MAPK14: variants seen among roughly 807,000 people sequenced by gnomAD.
MAPK14 encodes the protein mitogen-activated protein kinase 14.
MAPK14 carries 16 observed loss-of-function variants against 49.6 expected under a neutral mutation model. The observed-to-expected ratio is 0.32, with a 90% CI of 0.22 to 0.49. The LOEUF (loss-of-function observed/expected upper bound fraction) is 0.49, where lower values mean the gene tolerates loss of function less well. Ranked by LOEUF, MAPK14 falls within the 20% of genes least tolerant of loss-of-function variation. MAPK14 has a pLI of 0.99. For missense variants in MAPK14, 200 were observed against 441.2 expected, an observed-to-expected ratio of 0.45 and a Z score of 4.90; for synonymous variants, 142 against 158.0, an observed-to-expected ratio of 0.90 and a Z score of 0.76.
In MAPK14 at chr6:36,107,302, A is replaced by T. The variant is rs1357000634; in HGVS notation, c.842-153A>T. Among the ~76,000 whole-genome samples the T allele has an allele frequency of 6.6e-6, 1 of 152,152 alleles. No homozygotes were observed. The highest frequency in any genetic ancestry group is 2.4e-5 in the African/African-American group (1 of 41,434). ...CACACACACACACACATACACACAT[A>T]AAGGAGAAGAGGGCTAATATATCCT... On this transcript the variant is annotated intron_variant, in intron 10 of 11. Coordinates refer to ENST00000229794, the MANE Select transcript of MAPK14 (RefSeq NM_139012.3). This position sits in a 1 kb window ranked among gnomAD's most constrained non-coding sequence, Gnocchi z 4.3.
intron 8 of MAPK14, among the ~76,000 whole-genome samples, chr6:36,094,276 T>C (rs919603104): frequency 6.6e-6 from 1 of 152,100 alleles, no homozygotes; most frequent in African/African-American, 2.4e-5. Context: ...AGAACACAAG[T>C]TGTTTGGGTT....
At chr6:36,077,042 A>G (rs1764558627) in intron 8 of MAPK14, among the ~76,000 whole-genome samples, 1 of 152,214 alleles carries the variant, frequency 6.6e-6, no homozygotes, top group South Asian at 2.1e-4. Context: ...TGGTACCTGC[A>G]GTGATATACT....
At chr6:36,076,173 GTT>G (rs768922411) in intron 7 of MAPK14, among the ~76,000 whole-genome samples, 1 of 151,868 alleles carries the variant, frequency 6.6e-6, no homozygotes, top group Non-Finnish European at 1.5e-5. Context: ...TAGCAATTGG[GTT>G]TTTATTTATT....
chr6:36,045,528 G>A (rs1763137368), intron 1 of MAPK14, among the ~76,000 whole-genome samples: 1 of 152,156 alleles, frequency 6.6e-6, no homozygotes, highest in Admixed American at 6.5e-5. Flanking sequence ...AGGACCTCTG[G>A]CCGGGTGTGG....
At chr6:36,079,320 A>G (rs1764652764) in intron 8 of MAPK14, among the ~76,000 whole-genome samples, 1 of 152,120 alleles carries the variant, frequency 6.6e-6, no homozygotes, top group Non-Finnish European at 1.5e-5. Context: ...TGGAGAATGT[A>G]TTGGCCTCAT....
chr6:36,059,684 G>T (rs1314381162), intron 3 of MAPK14, among the ~76,000 whole-genome samples: 4 of 152,092 alleles, frequency 2.6e-5, no homozygotes, highest in Middle Eastern at 3.4e-3. Context: ...TGTTGTTGTT[G>T]TTGTTTTTGT....
At chr6:36,114,361 A>T (rs1351602286), downstream of MAPK14, among the ~76,000 whole-genome samples, 1 of 152,250 alleles carries the variant, frequency 6.6e-6, no homozygotes, top group Non-Finnish European at 1.5e-5. Flanking sequence ...TCATGCCTGT[A>T]ATCCCAGCAC....
At chr6:36,062,115 T>G (rs936760450) in intron 3 of MAPK14, among the ~76,000 whole-genome samples, 2 of 152,102 alleles carry the variant, frequency 1.3e-5, no homozygotes, top group African/African-American at 4.8e-5. Flanking sequence ...TAGCTGGGAC[T>G]GCAGGAATGG....
At position 36,107,402 on chromosome 6, in the gene MAPK14, CT is replaced by C. The variant is rs1237129544; in HGVS notation, c.842-47del. 1.5e-6 allele frequency: 2 copies of C among 1,360,252 alleles called. No homozygotes were observed. Among genetic ancestry groups the C allele is most frequent in the Non-Finnish European group, 2.0e-6 (2 of 1,010,186 alleles). The allele number at this position is 1,360,252 out of a possible 1,614,324, so 84.3% of individuals were successfully genotyped here. A position where few individuals can be genotyped will look rare whatever the true frequency, so the allele number is the denominator to read the frequency against. On this transcript the variant is annotated intron_variant, in intron 10 of 11. Coordinates refer to ENST00000229794, the MANE Select transcript of MAPK14 (RefSeq NM_139012.3). The surrounding 1 kb of genome is among the most constrained non-coding windows in gnomAD (Gnocchi z 4.3). ...AACTATGTTTGCTCAATAAGGCATA[CT>C]TTTTTGTAACATGTTAAAAACTCTT...
At chr6:36,054,615 T>C (rs568910594) in intron 2 of MAPK14, among the ~76,000 whole-genome samples, 2 of 152,318 alleles carry the variant, frequency 1.3e-5, no homozygotes, top group Admixed American at 6.5e-5. Context: ...CTCTATTCCA[T>C]TGGCAAATGT....
intron 1 of MAPK14, among the ~76,000 whole-genome samples, chr6:36,050,425 G>A (rs764263609): frequency 2.6e-5 from 4 of 152,238 alleles, no homozygotes; most frequent in South Asian, 2.1e-4. Flanking sequence ...AATTTTGTAG[G>A]TGGGGCAGTT....
intron 1 of MAPK14, among the ~76,000 whole-genome samples, chr6:36,034,359 A>T (rs1762655130): frequency 6.6e-6 from 1 of 152,242 alleles, no homozygotes. Context: ...GTGTACATTT[A>T]TGTAAAGTTG....
the MAPK14 span, among the ~76,000 whole-genome samples, chr6:36,116,330 AATTAGAATCTTTTTTTTTTTTTGGAC>A: frequency 6.6e-6 from 1 of 151,976 alleles, no homozygotes; most frequent in South Asian, 2.1e-4. Context: ...TCAAACAAAC[AATTAGAATCTTTTTTTTTTTTTGGAC>A]AGGGTCTCAG....
chr6:36,048,040 T>G (rs1025279127), intron 1 of MAPK14, among the ~76,000 whole-genome samples: 8 of 149,906 alleles, frequency 5.3e-5, no homozygotes, highest in African/African-American at 2.0e-4. Context: ...AATTTTTAAT[T>G]TATTTATTAT....
intron 8 of MAPK14, among the ~76,000 whole-genome samples, chr6:36,082,060 G>C (rs1033217296): frequency 2.0e-5 from 3 of 152,000 alleles, no homozygotes; most frequent in African/African-American, 7.2e-5. Flanking sequence ...ATTAATTTTT[G>C]ATTGTTGATC....
rs1227051310 is a variant in MAPK14, at chr6:36,034,943, GAC to G, written c.116+6671_116+6672del. ...AGACGGAGTTCTGCTCTGTCGCCCA[GAC>G]TGGAGTGCCATGGTGCGATCTCGGC... is the stretch of plus-strand genomic sequence containing the variant. On this transcript the variant is annotated intron_variant, in intron 1 of 11. Coordinates refer to ENST00000229794, the MANE Select transcript of MAPK14 (RefSeq NM_139012.3). Among the ~76,000 whole-genome samples the G allele has an allele frequency of 5.7e-5, 8 of 139,430 alleles. No homozygotes were observed. The East Asian group carries it at 1.3e-3, about 22-fold the overall frequency. The allele number at this position is 139,430 out of a possible 152,430, so 91.5% of individuals were successfully genotyped here. A position where few individuals can be genotyped will look rare whatever the true frequency, so the allele number is the denominator to read the frequency against.
At chr6:36,039,974 C>T (rs555605869) in intron 1 of MAPK14, among the ~76,000 whole-genome samples, 114 of 140,534 alleles carry the variant, frequency 8.1e-4, no homozygotes, top group African/African-American at 3.0e-3. Flanking sequence ...CCTGTCTGGG[C>T]GATAGAGCAA....
chr6:36,027,904 G>GGCGCA lies in MAPK14; in HGVS notation c.-252_-248dup, dbSNP rs1221096693. 1.7e-5 allele frequency: 7 copies of GGCGCA among 412,180 alleles called. No individual in the cohort carries two copies. Among genetic ancestry groups the GGCGCA allele is most frequent in the African/African-American group, 1.4e-4 (7 of 48,702 alleles). The allele number at this position is 412,180 out of a possible 1,614,324, so 25.5% of individuals were successfully genotyped here. A position where few individuals can be genotyped will look rare whatever the true frequency, so the allele number is the denominator to read the frequency against. ...GCGAAGGTGCAGGGAGATCGCGGCG[G>GGCGCA]GCGCAGTCTTGAGCGCCGGAGCGCG... On this transcript the variant is annotated 5_prime_UTR_variant, in exon 1 of 12. Coordinates refer to ENST00000229794, the MANE Select transcript of MAPK14 (RefSeq NM_139012.3).
At chr6:36,076,698 C>A in intron 8 of MAPK14, 90 bp downstream of exon 8, 1 of 973,376 alleles carries the variant, frequency 1.0e-6, no homozygotes, top group Non-Finnish European at 1.6e-6. Flanking sequence ...CTAGGGAAGA[C>A]TCTCAGTATT....
Sources: allele counts gnomAD v4.1 joint callset (sites outside exome capture counted in the v4.1 genomes callset), GRCh38; gene constraint gnomAD v4.1.1; non-coding constraint Gnocchi (gnomAD v3.1); transcripts MANE v1.5; gene names NCBI Gene and HGNC (gene_info 2026-07-23, HGNC 2026-07-21).